The following PRRC2B variants were observed in gnomAD, a reference collection of about 807,000 sequenced individuals.
PRRC2B encodes the protein proline rich coiled-coil 2B.
A neutral mutation model predicts 242.3 loss-of-function variants in PRRC2B; 68 were observed. The observed-to-expected ratio is 0.28, with a 90% CI of 0.23 to 0.34. The LOEUF (loss-of-function observed/expected upper bound fraction) is 0.34, where lower values mean the gene tolerates loss of function less well. PRRC2B is among the 10% of genes least tolerant of loss of function. PRRC2B has a pLI of 1.00. For missense variants in PRRC2B, 2,835 were observed against 2,954.8 expected, an observed-to-expected ratio of 0.96 and a Z score of 0.94; for synonymous variants, 1,228 against 1,173.6, an observed-to-expected ratio of 1.05 and a Z score of -0.95.
chr9:131,453,610 C>T (rs1353925566), intron 9 of PRRC2B, among the ~76,000 whole-genome samples: 1 of 152,172 alleles, frequency 6.6e-6, no homozygotes, highest in Non-Finnish European at 1.5e-5. Context: ...CAGCTCACTG[C>T]AACGTCAACT....
Position 131,475,595 on chromosome 9 carries a change from G to A in PRRC2B, c.3466G>A (p.Gly1156Arg), listed in dbSNP as rs756067988. 8.7e-6 allele frequency: 14 copies of A among 1,612,836 alleles called. No individual in the cohort carries two copies. The East Asian group carries it at 1.8e-4, about 21-fold the overall frequency. Residue 1156 changes from glycine (G) to arginine (R), a missense_variant, in exon 16 of 32, where the codon GGG (glycine) becomes AGG (arginine). Gly to Arg is a moderately radical substitution (Grantham distance 125, BLOSUM62 -2). Coordinates refer to ENST00000683519, the MANE Select transcript of PRRC2B (RefSeq NM_013318.4). ...CCGCCGGCAGAGGGGCTCCGAGAAC[G>A]GGAATGAAGGCTCGCTCCTGGAGAG... ...KRRRQRGSEN[G>R]NEGSLLEREE...
chr9:131,410,436 G>A (rs747157212), intron 1 of PRRC2B, among the ~76,000 whole-genome samples: 5 of 152,242 alleles, frequency 3.3e-5, no homozygotes, highest in African/African-American at 7.2e-5. Flanking sequence ...AGGGAGTACC[G>A]TGGGCAGGTG....
chr9:131,491,676 C>A, intron 29 of PRRC2B, 96 bp downstream of exon 29: 1 of 1,217,362 alleles, frequency 8.2e-7, no homozygotes, highest in Non-Finnish European at 1.1e-6. Flanking sequence ...TAGAAAGAGC[C>A]AGTGGCGTGG....
Position 131,447,744 on chromosome 9 carries a change from A to G in PRRC2B, c.1060A>G (p.Asn354Asp). 6.2e-7 allele frequency: 1 copy of G among 1,613,762 alleles called. No individual in the cohort carries two copies. The highest frequency in any genetic ancestry group is 8.5e-7 in the Non-Finnish European group (1 of 1,179,758). Residue 354 changes from asparagine (N) to aspartate (D), a missense_variant, in exon 9 of 32, where the codon AAT becomes GAT. By Grantham distance (23) the Asn-to-Asp change is conservative. Coordinates refer to ENST00000683519, the MANE Select transcript of PRRC2B (RefSeq NM_013318.4). Reference protein sequence around the residue: ...VERAPRPTIINAENLKGLDDL... With the variant: ...VERAPRPTIIDAENLKGLDDL... ...GCGGGCACCACGGCCCACCATTATC[A>G]ATGCGGAAAACCTGAAGGGCCTTGA...
intron 5 of PRRC2B, among the ~76,000 whole-genome samples, chr9:131,440,837 C>CATGGTG (rs1283176549): frequency 6.6e-6 from 1 of 151,884 alleles, no homozygotes; most frequent in Non-Finnish European, 1.5e-5. Flanking sequence ...GAGGGCTGGA[C>CATGGTG]ACCTGTAATC....
At position 131,446,401 on chromosome 9, in the gene PRRC2B, A is replaced by G; in HGVS notation, c.614A>G (p.Asn205Ser). 1 of 1,612,776 alleles carries G rather than the reference A, an allele frequency of 6.2e-7. No homozygotes were observed. The highest frequency in any genetic ancestry group is 1.1e-5 in the South Asian group (1 of 91,020). Residue 205 changes from asparagine to serine, a missense_variant and splice_region_variant, in exon 7 of 32, where the codon AAT becomes AGT. This residue lies in a region of PRRC2B where 626 missense variants were observed against 685.5 expected (regional missense o/e 0.91). Coordinates refer to ENST00000683519, the MANE Select transcript of PRRC2B (RefSeq NM_013318.4). The surrounding 1 kb of genome is among the most constrained non-coding windows in gnomAD (Gnocchi z 4.1). ...CCTTTTGCCCCCTTTCAATTTCCAG[A>G]TGTGACAAGCTGGAGGGAGGGCGGT... ...YGPGPSLRPQ[N>S]VTSWREGGGR...
At chr9:131,379,352 C>G (rs1405102797) in intron 1 of PRRC2B, among the ~76,000 whole-genome samples, 8 of 152,142 alleles carry the variant, frequency 5.3e-5, no homozygotes, top group Admixed American at 2.0e-4. Context: ...GTGTTTAACT[C>G]TGAGAAACCA....
chr9:131,434,371 T>C (rs897704644), intron 3 of PRRC2B, among the ~76,000 whole-genome samples: 2 of 152,334 alleles, frequency 1.3e-5, no homozygotes, highest in South Asian at 2.1e-4. Context: ...GCGGCTCCAG[T>C]GAGGGCTAGT....
intron 5 of PRRC2B, among the ~76,000 whole-genome samples, chr9:131,442,507 A>G (rs772738684): frequency 1.3e-5 from 2 of 152,196 alleles, no homozygotes; most frequent in Non-Finnish European, 2.9e-5. Context: ...AATGGTGTCC[A>G]GTCTTACCGT....
At position 131,475,104 on chromosome 9, in the gene PRRC2B, A is replaced by G; in HGVS notation, c.2975A>G (p.Asp992Gly). The change falls in exon 16 of 32, where the codon GAT becomes GGT. Residue 992 changes from aspartate to glycine, a missense_variant. By Grantham distance (94) the Asp-to-Gly change is moderately conservative. Coordinates refer to ENST00000683519, the MANE Select transcript of PRRC2B (RefSeq NM_013318.4). ...GAAAAGGATGAGGACGAAGAGAACG[A>G]TGCCTCTCTGGCCAACTCCTCCACC... ...TAEKDEDEEN[D>G]ASLANSSTTT... 1 of 1,611,856 alleles carries G rather than the reference A, an allele frequency of 6.2e-7. No homozygotes were observed. The highest frequency in any genetic ancestry group is 8.5e-7 in the Non-Finnish European group (1 of 1,178,968).
chr9:131,424,546 C>T (rs1004658355), intron 1 of PRRC2B, among the ~76,000 whole-genome samples: 5 of 151,924 alleles, frequency 3.3e-5, no homozygotes, highest in African/African-American at 7.3e-5. Context: ...ATTAGCTGGG[C>T]GTGGTGGCGC....
At chr9:131,385,659 G>T (rs555946431) in intron 1 of PRRC2B, among the ~76,000 whole-genome samples, 1 of 150,716 alleles carries the variant, frequency 6.6e-6, no homozygotes, top group East Asian at 2.0e-4. Flanking sequence ...TTAGCAGCAT[G>T]CCTGGCCCAG....
At chr9:131,421,517 T>C (rs1026551667) in intron 1 of PRRC2B, among the ~76,000 whole-genome samples, 1 of 152,214 alleles carries the variant, frequency 6.6e-6, no homozygotes, top group Non-Finnish European at 1.5e-5. Flanking sequence ...TGTGGAATCA[T>C]GATTTTTGGT....
At chr9:131,394,733 G>T (rs1163750707) in intron 1 of PRRC2B, among the ~76,000 whole-genome samples, 1 of 151,648 alleles carries the variant, frequency 6.6e-6, no homozygotes, top group Non-Finnish European at 1.5e-5. Context: ...CTGCGGGGTC[G>T]GGCCTTGGGT....
In PRRC2B at chr9:131,476,109, G is replaced by T. The variant is rs778936078; in HGVS notation, c.3980G>T (p.Gly1327Val). The T allele has an allele frequency of 1.2e-6, 2 of 1,609,724 alleles. No individual in the cohort carries two copies. Among genetic ancestry groups the T allele is most frequent in the Non-Finnish European group, 1.7e-6 (2 of 1,177,552 alleles). Reference sequence around the variant, plus strand: ...GAGCGGGAGTCCCTGGGCCTGTGGGGACCCGAGGAGGAGCCCCACCTGCTG... The same window carrying T: ...GAGCGGGAGTCCCTGGGCCTGTGGGTACCCGAGGAGGAGCCCCACCTGCTG... Reference protein sequence around the residue: ...RQERESLGLWGPEEEPHLLAG... With the variant: ...RQERESLGLWVPEEEPHLLAG... Residue 1327 changes from glycine (G) to valine (V), a missense_variant, in exon 16 of 32, where the codon GGA becomes GTA. By Grantham distance (109) the Gly-to-Val change is moderately radical. Transcript: ENST00000683519.
Position 131,408,721 on chromosome 9 carries a change from CT to C in PRRC2B, c.-52+14472del, listed in dbSNP as rs554150264. ...TGTTTTCTTGTGCACACATTAGTAT[CT>C]TTTTTTTTTTTTTGAGACAGAGTTT... On this transcript the variant is annotated intron_variant, in intron 1 of 31. Coordinates refer to ENST00000683519, the MANE Select transcript of PRRC2B (RefSeq NM_013318.4). Among the ~76,000 whole-genome samples the C allele has an allele frequency of 5.4e-3, 775 of 143,430 alleles. 4 individuals are homozygous for C. The highest frequency in any genetic ancestry group is 9.3e-3 in the African/African-American group (368 of 39,476). 94.1% of individuals were successfully genotyped at this position (143,430 alleles called of 152,430 possible).
rs886441540 is a variant in PRRC2B, at chr9:131,496,933, C to G, written c.*1059C>G. 1.3e-5 allele frequency: 2 copies of G among 152,446 alleles called. No homozygotes were observed. The highest frequency in any genetic ancestry group is 4.8e-5 in the African/African-American group (2 of 41,466). 9.4% of individuals were successfully genotyped at this position (152,446 alleles called of 1,614,324 possible). A position where few individuals can be genotyped will look rare whatever the true frequency, so the allele number is the denominator to read the frequency against. ...TGCTGTGTTTTTCACACATTTCTTT[C>G]CCTGAAGCCTTCTGTAACCTGTCAT... On this transcript the variant is annotated 3_prime_UTR_variant, in exon 32 of 32. Transcript: ENST00000683519.
chr9:131,476,768 C>G (rs1018290026), intron 16 of PRRC2B, among the ~76,000 whole-genome samples: 1 of 150,648 alleles, frequency 6.6e-6, no homozygotes, highest in Non-Finnish European at 1.5e-5. Context: ...CTTGAGGCCA[C>G]TGTCCAGCAC....
At chr9:131,412,962 A>G (rs181476098) in intron 1 of PRRC2B, among the ~76,000 whole-genome samples, 33 of 152,230 alleles carry the variant, frequency 2.2e-4, no homozygotes, top group African/African-American at 7.0e-4. Flanking sequence ...TAGAGGTTTC[A>G]TTTTAAAGAT....
Sources: allele counts gnomAD v4.1 joint callset (sites outside exome capture counted in the v4.1 genomes callset), GRCh38; gene constraint gnomAD v4.1.1; regional missense constraint gnomAD v4.1.1; non-coding constraint Gnocchi (gnomAD v3.1); transcripts MANE v1.5; gene names NCBI Gene and HGNC (gene_info 2026-07-23, HGNC 2026-07-21).